The following ZNF184 variants were observed in gnomAD, a reference collection of about 807,000 sequenced individuals.
ZNF184 encodes zinc finger protein 184, also known as zinc finger protein 184 (Kruppel-like).
In ZNF184, 16 loss-of-function variants were observed where a neutral mutation model predicts 54.4. The observed-to-expected ratio is 0.29, with a 90% CI of 0.20 to 0.45. ZNF184 has a LOEUF of 0.45. Ranked by LOEUF, ZNF184 falls within the 20% of genes least tolerant of loss-of-function variation. The pLI is 1.00. For synonymous variants in ZNF184, 254 were observed against 295.3 expected, an observed-to-expected ratio of 0.86 and a Z score of 1.43; for missense variants, 681 against 888.2, an observed-to-expected ratio of 0.77 and a Z score of 2.97.
the ZNF184 span, among the ~76,000 whole-genome samples, chr6:27,418,922 C>T: frequency 6.6e-6 from 1 of 151,540 alleles, no homozygotes; most frequent in African/African-American, 2.4e-5. Flanking sequence ...TGGTGTCTTC[C>T]CTACCCCAAA....
the ZNF184 span, among the ~76,000 whole-genome samples, chr6:27,414,853 A>G: frequency 6.6e-6 from 1 of 152,130 alleles, no homozygotes; most frequent in Non-Finnish European, 1.5e-5. Flanking sequence ...GCAACTTTAA[A>G]TGATCTCTCC....
At chr6:27,424,174 T>TAA in the ZNF184 span, among the ~76,000 whole-genome samples, 1 of 152,192 alleles carries the variant, frequency 6.6e-6, no homozygotes, top group Non-Finnish European at 1.5e-5. Context: ...CGGTAAGTGT[T>TAA]AGAGCTCTTA....
At chr6:27,434,578 G>A in the ZNF184 span, among the ~76,000 whole-genome samples, 2 of 152,020 alleles carry the variant, frequency 1.3e-5, no homozygotes. Flanking sequence ...TCAGATATAT[G>A]ATTTGCAAAT....
chr6:27,407,285 T>C, the ZNF184 span, among the ~76,000 whole-genome samples: 1 of 152,290 alleles, frequency 6.6e-6, no homozygotes, highest in Non-Finnish European at 1.5e-5. Flanking sequence ...ATAGCTCACT[T>C]ACACCAGGTC....
chr6:27,442,822 GAAAGAAAGAA>G, the ZNF184 span, among the ~76,000 whole-genome samples: 1 of 22,688 alleles, frequency 4.4e-5, no homozygotes, highest in African/African-American at 2.8e-4. Flanking sequence ...GAGAAAGAAA[GAAAGAAAGAA>G]AGAAAGAAAG....
chr6:27,409,519 A>C, the ZNF184 span, among the ~76,000 whole-genome samples: 33 of 149,056 alleles, frequency 2.2e-4, no homozygotes, highest in Non-Finnish European at 3.6e-4. Flanking sequence ...AAAAAAAAAA[A>C]AACACAAAAC....
At chr6:27,455,685 T>C (rs1581577459) in intron 5 of ZNF184, among the ~76,000 whole-genome samples, 2 of 152,136 alleles carry the variant, frequency 1.3e-5, no homozygotes, top group Non-Finnish European at 2.9e-5. Context: ...TGCAACCCTG[T>C]TGAGCATTCA....
the ZNF184 span, among the ~76,000 whole-genome samples, chr6:27,424,168 A>G: frequency 1.3e-5 from 2 of 152,110 alleles, no homozygotes; most frequent in Admixed American, 1.3e-4. Flanking sequence ...CCTTTGCGGT[A>G]AGTGTTAGAG....
the ZNF184 span, among the ~76,000 whole-genome samples, chr6:27,421,234 C>T: frequency 6.6e-6 from 1 of 152,210 alleles, no homozygotes; most frequent in Non-Finnish European, 1.5e-5. Context: ...CAACTATGGA[C>T]TGTGAGTAGT....
At chr6:27,416,823 T>C in the ZNF184 span, among the ~76,000 whole-genome samples, 5,445 of 152,314 alleles carry the variant, frequency 0.036, 205 homozygotes, top group African/African-American at 0.095. Context: ...GAATTTGTCT[T>C]ATTTAAGCCT....
chr6:27,462,245 T>C (rs1763013835), intron 3 of ZNF184, among the ~76,000 whole-genome samples: 1 of 151,970 alleles, frequency 6.6e-6, no homozygotes, highest in South Asian at 2.1e-4. Flanking sequence ...TTGCGCAGCC[T>C]GGAGTGCAGT....
At chr6:27,414,790 A>G in the ZNF184 span, among the ~76,000 whole-genome samples, 14 of 152,168 alleles carry the variant, frequency 9.2e-5, no homozygotes, top group African/African-American at 2.9e-4. Flanking sequence ...GACACAAGTG[A>G]GAGTTCCCCA....
At chr6:27,470,690 A>G (rs1763252939) in intron 2 of ZNF184, among the ~76,000 whole-genome samples, 1 of 152,208 alleles carries the variant, frequency 6.6e-6, no homozygotes, top group South Asian at 2.1e-4. Context: ...AATAACAGCA[A>G]CCAACAGAAC....
chr6:27,429,883 A>G, the ZNF184 span, among the ~76,000 whole-genome samples: 2 of 152,066 alleles, frequency 1.3e-5, no homozygotes, highest in Admixed American at 1.3e-4. Flanking sequence ...CTTATTTAAT[A>G]CAAGTTTTTT....
the ZNF184 span, among the ~76,000 whole-genome samples, chr6:27,442,044 T>C: frequency 3.6e-3 from 542 of 152,334 alleles, 4 homozygotes; most frequent in African/African-American, 0.012. Context: ...AATAACCTGA[T>C]AGAGATCACA....
Position 27,452,621 on chromosome 6 carries a change from T to C in ZNF184, c.938A>G (p.Lys313Arg). Residue 313 changes from lysine (K) to arginine (R), a missense_variant, in exon 6 of 6, where the codon AAA becomes AGA. By Grantham distance (26) the Lys-to-Arg change is conservative (BLOSUM62 2). Transcript: ENST00000683788. The surrounding 1 kb of genome is among the most constrained non-coding windows in gnomAD (Gnocchi z 5.5). ...EKPYKCDECG[K>R]AFSQRTHLVQ... ...AAGATGGGTCCTCTGACTAAAGGCT[T>C]TCCCACATTCATCACATTTATATGG... The C allele has an allele frequency of 6.2e-7, 1 of 1,614,104 alleles. No homozygotes were observed. Among genetic ancestry groups the C allele is most frequent in the Non-Finnish European group, 8.5e-7 (1 of 1,180,018 alleles).
chr6:27,414,502 A>G, the ZNF184 span, among the ~76,000 whole-genome samples: 2 of 151,912 alleles, frequency 1.3e-5, no homozygotes, highest in African/African-American at 4.8e-5. Flanking sequence ...CTCTAGCCAC[A>G]CTGGCCTCTT....
the ZNF184 span, among the ~76,000 whole-genome samples, chr6:27,418,685 T>C: frequency 6.6e-6 from 1 of 152,180 alleles, no homozygotes; most frequent in Non-Finnish European, 1.5e-5. Flanking sequence ...ATTTATATTT[T>C]GTATTCTTTT....
At chr6:27,456,528 G>C (rs1194048199) in intron 5 of ZNF184, among the ~76,000 whole-genome samples, 2 of 152,176 alleles carry the variant, frequency 1.3e-5, no homozygotes, top group Non-Finnish European at 1.5e-5. Flanking sequence ...ATAATTATGA[G>C]ATCATGGTCC....
Sources: gnomAD v4.1 joint callset for allele counts (sites outside exome capture counted in the v4.1 genomes callset) on GRCh38, gnomAD v4.1.1 for gene constraint, Gnocchi (gnomAD v3.1) non-coding constraint, MANE v1.5 for transcripts, NCBI Gene and HGNC (gene_info 2026-07-23, HGNC 2026-07-21) for gene names.